The following SYNE1 variants were observed in gnomAD, a reference collection of about 807,000 sequenced individuals.
The protein encoded by SYNE1 is spectrin repeat containing nuclear envelope protein 1.
Under a neutral mutation model 1,111.0 loss-of-function variants are expected in SYNE1, and 616 were observed. That is an observed-to-expected ratio of 0.55 (90% CI 0.52 to 0.59). The LOEUF is 0.59. SYNE1 is among the 20% of genes least tolerant of loss of function. The probability of loss-of-function intolerance (pLI) is 0.00; values close to 1 mark genes in which losing one functional copy is unlikely to be tolerated. For synonymous variants in SYNE1, 3,855 were observed against 3,825.8 expected, an observed-to-expected ratio of 1.01 and a Z score of -0.28; for missense variants, 10,006 against 10,417.0, an observed-to-expected ratio of 0.96 and a Z score of 1.72.
At chr6:152,609,327 G>C (rs111261831) in intron 3 of SYNE1, among the ~76,000 whole-genome samples, 2 of 152,132 alleles carry the variant, frequency 1.3e-5, no homozygotes, top group African/African-American at 4.8e-5. Flanking sequence ...CTCTCCTGAG[G>C]CTGGCTCAGC....
At chr6:152,563,446 A>G (rs541799042) in intron 3 of SYNE1, among the ~76,000 whole-genome samples, 6 of 152,268 alleles carry the variant, frequency 3.9e-5, no homozygotes, top group African/African-American at 1.4e-4. Context: ...CTTTTGGTGA[A>G]AAAAAAGAGA....
At chr6:152,138,510 C>CAAAA (rs1377381359) in intron 140 of SYNE1, among the ~76,000 whole-genome samples, 1 of 118,254 alleles carries the variant, frequency 8.5e-6, no homozygotes, top group African/African-American at 3.4e-5. Flanking sequence ...GACTCTGTCT[C>CAAAA]AAAAATAAAT....
In SYNE1 at chr6:152,428,069, A is replaced by T. The variant is rs2098387215; in HGVS notation, c.4976+136T>A. 17 of 1,279,348 alleles carry T rather than the reference A, an allele frequency of 1.3e-5. No homozygotes were observed. In the South Asian group the frequency reaches 1.9e-4, roughly 15 times the overall value. The allele number at this position is 1,279,348 out of a possible 1,614,324, so 79.2% of individuals were successfully genotyped here. ...CAGGAATCTTTGCCTTATAACAAAGATCAAGAGTTTCCTACAGTAGACCCA... is the reference window on the plus strand; with the variant it reads ...CAGGAATCTTTGCCTTATAACAAAGTTCAAGAGTTTCCTACAGTAGACCCA... On this transcript the variant is annotated intron_variant, in intron 37 of 145. Transcript: ENST00000367255.
In SYNE1 at chr6:152,242,572, C is replaced by T. The variant is rs139234217; in HGVS notation, c.19693-132G>A. 4.4e-4 allele frequency: 384 copies of T among 881,100 alleles called. No individual in the cohort carries two copies. In the African/African-American group the frequency reaches 4.8e-3, roughly 11 times the overall value. The allele number at this position is 881,100 out of a possible 1,614,324, so 54.6% of individuals were successfully genotyped here. A position where few individuals can be genotyped will look rare whatever the true frequency, so the allele number is the denominator to read the frequency against. On this transcript the variant is annotated intron_variant, in intron 106 of 145. Coordinates refer to ENST00000367255, the MANE Select transcript of SYNE1 (RefSeq NM_182961.4). The stretch of plus-strand genomic sequence containing the variant: ...CCTTCAGGGATGTGCCTCCTGGAAA[C>T]GCTCTACCTGTAGGCCATCTGCTTG...
Position 152,300,681 on chromosome 6 carries a change from G to A in SYNE1, c.17642C>T (p.Ser5881Phe). The A allele has an allele frequency of 6.2e-7, 1 of 1,614,194 alleles. No individual in the cohort carries two copies. The highest frequency in any genetic ancestry group is 8.5e-7 in the Non-Finnish European group (1 of 1,180,030). The change falls in exon 93 of 146, where the codon TCC becomes TTC. Residue 5881 changes from serine (S) to phenylalanine (F), a missense_variant. By Grantham distance (155) the Ser-to-Phe change is radical. Coordinates refer to ENST00000367255, the MANE Select transcript of SYNE1 (RefSeq NM_182961.4). ...SEISSPPACRSPSPVANTDAS... is the reference protein window; with the variant it reads ...SEISSPPACRFPSPVANTDAS... ...ATCTGTATTAGCCACAGGTGAAGGG[G>A]AGCGACAGGCAGGTGGAGAGGAAAT...
At chr6:152,325,617 TG>T (rs1419367675) in intron 80 of SYNE1, among the ~76,000 whole-genome samples, 1 of 152,240 alleles carries the variant, frequency 6.6e-6, no homozygotes, top group African/African-American at 2.4e-5. Context: ...TATTTTAGTA[TG>T]TTACATTTTT....
At chr6:152,550,446 A>G (rs934404614) in intron 3 of SYNE1, among the ~76,000 whole-genome samples, 1 of 152,030 alleles carries the variant, frequency 6.6e-6, no homozygotes, top group South Asian at 2.1e-4. Context: ...CAATGGTGGC[A>G]GTTATATAAG....
chr6:152,276,749 G>C (rs1156664762), intron 98 of SYNE1, among the ~76,000 whole-genome samples: 1 of 152,116 alleles, frequency 6.6e-6, no homozygotes, highest in African/African-American at 2.4e-5. Flanking sequence ...GCACAGTTTG[G>C]ATTAGGCCAC....
chr6:152,614,166 C>T (rs1396431304), intron 3 of SYNE1, among the ~76,000 whole-genome samples: 3 of 152,090 alleles, frequency 2.0e-5, no homozygotes, highest in Admixed American at 1.3e-4. Context: ...AGCTTCTGCA[C>T]GGCAAAAGAA....
chr6:152,339,308 G>C lies in SYNE1; in HGVS notation c.12284C>G (p.Ser4095Cys). 1 of 1,614,060 alleles carries C rather than the reference G, an allele frequency of 6.2e-7. No individual in the cohort carries two copies. Among genetic ancestry groups the C allele is most frequent in the Non-Finnish European group, 8.5e-7 (1 of 1,179,936 alleles). ...CGAAGCATTTGACAGGTCACACATG[G>C]AGCAAAGGAGATCTAGGTAGGTCCT... Reference protein sequence around the residue: ...QARTYLDLLCSMCDLSNASVK... With the variant: ...QARTYLDLLCCMCDLSNASVK... Residue 4095 changes from serine to cysteine, a missense_variant, in exon 75 of 146, where the codon TCC (serine) becomes TGC (cysteine). Ser to Cys is a moderately radical substitution (Grantham distance 112). Coordinates refer to ENST00000367255, the MANE Select transcript of SYNE1 (RefSeq NM_182961.4).
chr6:152,549,229 A>G (rs1191346271), intron 3 of SYNE1, among the ~76,000 whole-genome samples: 2 of 152,218 alleles, frequency 1.3e-5, no homozygotes, highest in African/African-American at 2.4e-5. Flanking sequence ...TTGTAGGAAG[A>G]AAGCATTTTC....
In SYNE1 at chr6:152,413,504, A is replaced by T; in HGVS notation, c.6078T>A (p.Asp2026Glu). The change falls in exon 42 of 146, where the codon GAT (aspartate) becomes GAA (glutamate). Residue 2026 changes from aspartate (D) to glutamate (E), a missense_variant. By Grantham distance (45) the Asp-to-Glu change is conservative (BLOSUM62 2). Coordinates refer to ENST00000367255, the MANE Select transcript of SYNE1 (RefSeq NM_182961.4). ...GTTCATGCTCGTGAGAATTCAATTC[A>T]TCTTCTAGCTGATTAAACACTCTTA... Reference protein sequence around the residue: ...QRLRVFNQLEDELNSHEHELC... With the variant: ...QRLRVFNQLEEELNSHEHELC... 6.2e-7 allele frequency: 1 copy of T among 1,614,184 alleles called. No individual in the cohort carries two copies. Among genetic ancestry groups the T allele is most frequent in the Non-Finnish European group, 8.5e-7 (1 of 1,180,020 alleles).
intron 100 of SYNE1, among the ~76,000 whole-genome samples, chr6:152,265,683 C>T (rs1451368289): frequency 6.6e-6 from 1 of 152,066 alleles, no homozygotes; most frequent in Non-Finnish European, 1.5e-5. Context: ...TAAAACATAG[C>T]CTTTTGTTCC....
rs984543215 is a variant in SYNE1 at position 152,375,085 on chromosome 6, C to T, written c.9324+1296G>A. On this transcript the variant is annotated intron_variant, in intron 58 of 145. Coordinates refer to ENST00000367255, the MANE Select transcript of SYNE1 (RefSeq NM_182961.4). ...CCTCCCAAGTAGATAGGATTACGGG[C>T]GCCTGCCACCACGCTTGGCTAATTT... 5.3e-5 allele frequency among the ~76,000 whole-genome samples: 8 copies of T among 151,908 alleles called. No homozygotes were observed. In the East Asian group the frequency reaches 5.8e-4, roughly 11 times the overall value.
At chr6:152,221,394 T>A in intron 118 of SYNE1, 32 bp downstream of exon 118, 1 of 1,611,494 alleles carries the variant, frequency 6.2e-7, no homozygotes, top group East Asian at 2.2e-5. Context: ...GGCTGTGATA[T>A]AAATAGTGTG....
Position 152,369,101 on chromosome 6 carries a change from G to A in SYNE1, c.9678C>T (p.Tyr3226=), listed in dbSNP as rs762175368. The change falls in exon 61 of 146, where the codon TAC becomes TAT. Residue 3226 remains tyrosine (Y), a synonymous_variant. Transcript: ENST00000367255. ...CTTTCAGCCTGTTGAGCTGAGGCTC[G>A]TAGCAGTGTATTTCCTCAAGGACAG... The part of the protein sequence containing the change: ...LQSVLEEIHC[Y]EPQLNRLKEK... 8.7e-6 allele frequency: 14 copies of A among 1,613,830 alleles called. No homozygotes were observed. Among genetic ancestry groups the A allele is most frequent in the South Asian group, 5.5e-5 (5 of 91,080 alleles).
At chr6:152,625,403 C>T (rs569593355) in intron 3 of SYNE1, among the ~76,000 whole-genome samples, 2 of 152,330 alleles carry the variant, frequency 1.3e-5, no homozygotes, top group Admixed American at 6.5e-5. Context: ...AAGTCACACT[C>T]GCCAGATCAC....
intron 12 of SYNE1, 54 bp from the exon 13 acceptor site, chr6:152,485,026 A>C (rs1449172734): frequency 1.3e-6 from 2 of 1,577,878 alleles, no homozygotes; most frequent in African/African-American, 2.7e-5. Flanking sequence ...AAGCAAAAGC[A>C]AAGGAAAGCA....
intron 92 of SYNE1, 132 bp downstream of exon 92, chr6:152,301,737 G>A: frequency 1.0e-6 from 1 of 979,562 alleles, no homozygotes; most frequent in Non-Finnish European, 1.5e-6. Context: ...AGAGACTTAA[G>A]GAATCTGTTC....
Sources: gnomAD v4.1 joint callset for allele counts (sites outside exome capture counted in the v4.1 genomes callset) on GRCh38, gnomAD v4.1.1 for gene constraint, MANE v1.5 for transcripts, NCBI Gene and HGNC (gene_info 2026-07-23, HGNC 2026-07-21) for gene names.